APPL1: variants seen among roughly 807,000 people sequenced by gnomAD.
APPL1 encodes the protein DCC-interacting protein 13-alpha.
A neutral mutation model predicts 106.8 loss-of-function variants in APPL1; 42 were observed. The ratio of observed to expected loss-of-function variants is 0.39; its 90% CI spans 0.31 to 0.51. The LOEUF (loss-of-function observed/expected upper bound fraction) is 0.51, where lower values mean the gene tolerates loss of function less well. Ranked by LOEUF, APPL1 falls within the 20% of genes least tolerant of loss-of-function variation. The probability of loss-of-function intolerance (pLI) is 0.75; values close to 1 mark genes in which losing one functional copy is unlikely to be tolerated. For missense variants in APPL1, 769 were observed against 858.2 expected, an observed-to-expected ratio of 0.90 and a Z score of 1.30; for synonymous variants, 263 against 281.8, an observed-to-expected ratio of 0.93 and a Z score of 0.67.
At chr3:57,249,331 T>C (rs2060791004) in intron 10 of APPL1, 29 bp from the exon 11 acceptor site, 1 of 1,612,092 alleles carries the variant, frequency 6.2e-7, no homozygotes. Flanking sequence ...ATGTTGTTAT[T>C]AAAGAGTGAA....
chr3:57,247,789 A>T (rs969438418), intron 9 of APPL1, among the ~76,000 whole-genome samples: 1 of 152,188 alleles, frequency 6.6e-6, no homozygotes, highest in Non-Finnish European at 1.5e-5. Context: ...TGGGAGTTTG[A>T]TGGGAGATTA....
chr3:57,266,924 G>A (rs1417636702), intron 19 of APPL1, among the ~76,000 whole-genome samples: 2 of 151,984 alleles, frequency 1.3e-5, no homozygotes, highest in Non-Finnish European at 2.9e-5. Context: ...TTCGTTCCTG[G>A]GTTCTCTATT....
At chr3:57,237,293 C>T (rs1273115530) in intron 2 of APPL1, among the ~76,000 whole-genome samples, 199 bp from the exon 3 acceptor site, 3 of 152,108 alleles carry the variant, frequency 2.0e-5, no homozygotes, top group Non-Finnish European at 4.4e-5. Context: ...TGCTGAATTC[C>T]TGGAGAGTGT....
intron 19 of APPL1, among the ~76,000 whole-genome samples, chr3:57,262,294 G>A (rs2060870392): frequency 1.4e-5 from 2 of 146,850 alleles, no homozygotes; most frequent in South Asian, 2.1e-4. Context: ...TACTTTTGAG[G>A]TCTTAGGCAT....
chr3:57,240,449 GTCTT>G lies in APPL1; in HGVS notation c.286-10_286-7del. 3 of 1,609,258 alleles carry G rather than the reference GTCTT, an allele frequency of 1.9e-6. No homozygotes were observed. The South Asian group carries it at 3.3e-5, about 18-fold the overall frequency. On this transcript the variant is annotated splice_polypyrimidine_tract_variant and intron_variant, in intron 4 of 21. Transcript: ENST00000288266. Reference sequence around the variant, plus strand: ...TGTGTATAGTTATTTGGCCTTTTTGGTCTTTCTTTTTCTAGCTTAGCTCTTGTCA... The same window carrying G: ...TGTGTATAGTTATTTGGCCTTTTTGGTCTTTTTCTAGCTTAGCTCTTGTCA...
Position 57,270,475 on chromosome 3 carries a change from A to AT in APPL1, c.*792dup, listed in dbSNP as rs1420920788. On this transcript the variant is annotated 3_prime_UTR_variant, in exon 22 of 22. Coordinates refer to ENST00000288266, the MANE Select transcript of APPL1 (RefSeq NM_012096.3). ...TTATTAAAAGATTTTTGTTCAATACATTTTAGATTAGGATTGACAAGTAAA... is the reference window on the plus strand; with the variant it reads ...TTATTAAAAGATTTTTGTTCAATACATTTTTAGATTAGGATTGACAAGTAAA... The AT allele has an allele frequency of 6.6e-6, 1 of 152,642 alleles. No homozygotes were observed. Among genetic ancestry groups the AT allele is most frequent in the Admixed American group, 6.5e-5 (1 of 15,280 alleles). 9.5% of individuals were successfully genotyped at this position (152,642 alleles called of 1,614,324 possible).
chr3:57,246,373 C>T (rs2060774087), intron 8 of APPL1, 151 bp downstream of exon 8: 1 of 563,914 alleles, frequency 1.8e-6, no homozygotes, highest in Non-Finnish European at 2.7e-6. Context: ...TGTCATCAGA[C>T]TATTATTTTA....
In APPL1 at chr3:57,257,261, G is replaced by T. The variant is rs759542284; in HGVS notation, c.1263G>T (p.Pro421=). The T allele has an allele frequency of 1.2e-6, 2 of 1,612,852 alleles. No homozygotes were observed. The highest frequency in any genetic ancestry group is 8.5e-7 in the Non-Finnish European group (1 of 1,179,630). Residue 421 remains proline, a synonymous_variant, in exon 15 of 22, where the codon CCG becomes CCT. Transcript: ENST00000288266. The stretch of plus-strand genomic sequence containing the variant: ...TTATGCTTAGACAATCTCGGCCACC[G>T]ACAGCTCGAACCAGCAGTTCAGGAT... ...LRPAAGQSRP[P]TARTSSSGSL...
Position 57,246,072 on chromosome 3 carries a change from A to G in APPL1, c.475-4A>G, listed in dbSNP as rs752483056. ...CTTAATTATTTAAATCTTTTCATTC[A>G]AAGGTGAAGTATGAAGTAACAGAAG... On this transcript the variant is annotated splice_polypyrimidine_tract_variant and splice_region_variant and intron_variant, in intron 7 of 21. Coordinates refer to ENST00000288266, the MANE Select transcript of APPL1 (RefSeq NM_012096.3). 6.4e-7 allele frequency: 1 copy of G among 1,559,512 alleles called. No individual in the cohort carries two copies. Among genetic ancestry groups the G allele is most frequent in the South Asian group, 1.2e-5 (1 of 81,664 alleles).
In APPL1 at chr3:57,259,029, C is replaced by T. The variant is rs200151001; in HGVS notation, c.1432C>T (p.Arg478Cys). Residue 478 changes from arginine (R) to cysteine (C), a missense_variant and splice_region_variant, in exon 16 of 22, where the codon CGT becomes TGT. Transcript: ENST00000288266. ...CATATTTTCTTCTAAACTTTTTAGG[C>T]GTACAAATCCATTTGGAGAATCTGG... is the stretch of plus-strand genomic sequence containing the variant. ...QAKAFGQGGR[R>C]TNPFGESGGS... 17 of 1,610,570 alleles carry T rather than the reference C, an allele frequency of 1.1e-5. No individual in the cohort carries two copies. Among genetic ancestry groups the T allele is most frequent in the East Asian group, 4.5e-5 (2 of 44,678 alleles).
In APPL1 at chr3:57,272,168, T is replaced by G. The variant is rs1484054554; in HGVS notation, c.*2481T>G. The G allele has an allele frequency of 6.6e-6, 1 of 152,226 alleles. No individual in the cohort carries two copies. Among genetic ancestry groups the G allele is most frequent in the Non-Finnish European group, 1.5e-5 (1 of 68,030 alleles). The allele number at this position is 152,226 out of a possible 1,614,324, so 9.4% of individuals were successfully genotyped here. A position where few individuals can be genotyped will look rare whatever the true frequency, so the allele number is the denominator to read the frequency against. ...AAGAAAAGATATTAAGCCTGCCTAC[T>G]TCTACAATGCATTCTGTTACCTATT... is the stretch of plus-strand genomic sequence containing the variant. On this transcript the variant is annotated 3_prime_UTR_variant, in exon 22 of 22. Coordinates refer to ENST00000288266, the MANE Select transcript of APPL1 (RefSeq NM_012096.3).
intron 19 of APPL1, among the ~76,000 whole-genome samples, chr3:57,266,180 G>A (rs1253272191): frequency 6.6e-6 from 1 of 152,120 alleles, no homozygotes; most frequent in Middle Eastern, 3.2e-3. Flanking sequence ...TCTTTGTCTG[G>A]TTTTGGTATC....
chr3:57,261,801 A>G (rs907333850), intron 19 of APPL1, among the ~76,000 whole-genome samples: 1 of 152,170 alleles, frequency 6.6e-6, no homozygotes, highest in African/African-American at 2.4e-5. Flanking sequence ...TACAGGCGTG[A>G]GCCACCATAC....
chr3:57,252,198 A>C (rs2060808699), intron 11 of APPL1, 71 bp from the exon 12 acceptor site: 1 of 1,307,788 alleles, frequency 7.6e-7, no homozygotes, highest in South Asian at 1.3e-5. Flanking sequence ...TTAAAGATTA[A>C]AAAGTTACCT....
intron 1 of APPL1, among the ~76,000 whole-genome samples, chr3:57,234,832 T>C (rs139848763): frequency 5.8e-4 from 88 of 151,546 alleles, no homozygotes; most frequent in African/African-American, 2.0e-3. Flanking sequence ...ATTTTTTGCA[T>C]TTTTAGTAGA....
intron 11 of APPL1, 151 bp downstream of exon 11, chr3:57,249,699 A>C (rs1031177801): frequency 1.1e-4 from 79 of 724,996 alleles, no homozygotes; most frequent in Admixed American, 2.6e-4. Context: ...AATATATTGA[A>C]TTTTTGTCTC....
intron 1 of APPL1, among the ~76,000 whole-genome samples, chr3:57,231,169 C>T (rs932069641): frequency 6.6e-6 from 1 of 151,668 alleles, no homozygotes; most frequent in Admixed American, 6.6e-5. Context: ...GAAACCCCGT[C>T]TCTCCTAAAA....
chr3:57,238,266 A>G, intron 4 of APPL1, 150 bp downstream of exon 4: 2 of 576,974 alleles, frequency 3.5e-6, no homozygotes, highest in Non-Finnish European at 6.0e-6. Flanking sequence ...CATCAAAACA[A>G]TACTTTCTTT....
At position 57,235,552 on chromosome 3, in the gene APPL1, A is replaced by C; in HGVS notation, c.55-14A>C. ...TAATGATTAACATAAACTTATTGCT[A>C]TTGTTTTATACAGACAAGGTCTTTA... On this transcript the variant is annotated splice_polypyrimidine_tract_variant and intron_variant, in intron 1 of 21. Transcript: ENST00000288266. The C allele has an allele frequency of 6.6e-7, 1 of 1,522,900 alleles. No homozygotes were observed. Among genetic ancestry groups the C allele is most frequent in the Non-Finnish European group, 9.0e-7 (1 of 1,106,970 alleles). The allele number at this position is 1,522,900 out of a possible 1,614,324, so 94.3% of individuals were successfully genotyped here.
Sources: allele counts gnomAD v4.1 joint callset (sites outside exome capture counted in the v4.1 genomes callset), GRCh38; gene constraint gnomAD v4.1.1; transcripts MANE v1.5; gene names NCBI Gene and HGNC (gene_info 2026-07-23, HGNC 2026-07-21).